The following FBXL7 variants were observed in gnomAD, a reference collection of about 807,000 sequenced individuals.
FBXL7 encodes the protein F-box and leucine rich repeat protein 7, also known as F-box/LRR-repeat protein 7.
Under a neutral mutation model 38.3 loss-of-function variants are expected in FBXL7, and 12 were observed. That is an observed-to-expected ratio of 0.31 (90% CI 0.20 to 0.51). FBXL7 has a LOEUF of 0.51. FBXL7 is among the 20% of genes least tolerant of loss of function. FBXL7 has a pLI of 0.98. For synonymous variants in FBXL7, 297 were observed against 300.9 expected, an observed-to-expected ratio of 0.99 and a Z score of 0.13; for missense variants, 567 against 676.4, an observed-to-expected ratio of 0.84 and a Z score of 1.79.
chr5:15,880,985 A>C (rs1740428039), intron 2 of FBXL7, among the ~76,000 whole-genome samples: 1 of 151,850 alleles, frequency 6.6e-6, no homozygotes, highest in Admixed American at 6.6e-5. Context: ...AGATTAATGG[A>C]CTTTCCCAAG....
intron 1 of FBXL7, among the ~76,000 whole-genome samples, chr5:15,603,667 G>A (rs1346033311): frequency 6.6e-6 from 1 of 152,198 alleles, no homozygotes; most frequent in African/African-American, 2.4e-5. Flanking sequence ...CAGTGGCCCC[G>A]ATGCCACTTA....
chr5:15,689,264 TCA>T lies in FBXL7; in HGVS notation c.127+73193_127+73194del, dbSNP rs1743109248. Among the ~76,000 whole-genome samples, 2 of 128,414 alleles carry T rather than the reference TCA, an allele frequency of 1.6e-5. 1 individual carries two copies. The highest frequency in any genetic ancestry group is 5.6e-4 in the South Asian group (2 of 3,562). 84.2% of individuals were successfully genotyped at this position (128,414 alleles called of 152,430 possible). The stretch of plus-strand genomic sequence containing the variant: ...CTTGCTGCTTGTCATCAGTTTATTT[TCA>T]GTTTTTTTTTTTTTTTTAGAAAAAT... On this transcript the variant is annotated intron_variant, in intron 2 of 3. Transcript: ENST00000504595.
chr5:15,511,172 A>T (rs931453993), intron 1 of FBXL7, among the ~76,000 whole-genome samples: 1 of 152,204 alleles, frequency 6.6e-6, no homozygotes, highest in African/African-American at 2.4e-5. Flanking sequence ...TCTGAGGGAA[A>T]CTTTTAACTC....
intron 2 of FBXL7, among the ~76,000 whole-genome samples, chr5:15,843,460 A>G (rs1738804736): frequency 6.6e-6 from 1 of 152,218 alleles, no homozygotes; most frequent in South Asian, 2.1e-4. Flanking sequence ...TCGAATGAAT[A>G]AAATTGAAAA....
At chr5:15,503,541 C>G (rs184067270) in intron 1 of FBXL7, among the ~76,000 whole-genome samples, 1 of 152,178 alleles carries the variant, frequency 6.6e-6, no homozygotes, top group Non-Finnish European at 1.5e-5. Flanking sequence ...AAGGCAAACG[C>G]CAGCCTGTAA....
At chr5:15,843,855 A>G (rs1738815660) in intron 2 of FBXL7, among the ~76,000 whole-genome samples, 2 of 151,262 alleles carry the variant, frequency 1.3e-5, no homozygotes, top group African/African-American at 2.4e-5. Context: ...AAGCTATACT[A>G]TATATATTTA....
chr5:15,755,945 AAG>A (rs753923766), intron 2 of FBXL7, among the ~76,000 whole-genome samples: 16 of 152,200 alleles, frequency 1.1e-4, no homozygotes, highest in Non-Finnish European at 1.8e-4. Context: ...TCAGAGAGAG[AAG>A]AGAGAGACCA....
Position 15,939,095 on chromosome 5 carries a change from T to A in FBXL7, c.*1909T>A, listed in dbSNP as rs1353283844. ...GTGGGGGATGGAGAGGTTAGTGTGA[T>A]GAGGTGGTGTCTGCCCAGGAGGTTT... On this transcript the variant is annotated 3_prime_UTR_variant, in exon 4 of 4. Transcript: ENST00000504595. 2.5e-6 allele frequency: 1 copy of A among 398,874 alleles called. No individual in the cohort carries two copies. The highest frequency in any genetic ancestry group is 4.4e-6 in the Non-Finnish European group (1 of 226,054). The allele number at this position is 398,874 out of a possible 1,614,324, so 24.7% of individuals were successfully genotyped here. A position where few individuals can be genotyped will look rare whatever the true frequency, so the allele number is the denominator to read the frequency against.
chr5:15,702,664 T>C (rs551986174), intron 2 of FBXL7, among the ~76,000 whole-genome samples: 3 of 152,334 alleles, frequency 2.0e-5, no homozygotes, highest in East Asian at 3.9e-4. Flanking sequence ...GGCTAACACA[T>C]TGGAAATTGT....
intron 2 of FBXL7, among the ~76,000 whole-genome samples, chr5:15,684,684 G>A (rs1048396504): frequency 1.3e-5 from 2 of 152,164 alleles, no homozygotes; most frequent in Non-Finnish European, 2.9e-5. Flanking sequence ...AGAAAGATAT[G>A]TACAATGCAA....
At chr5:15,523,518 C>T (rs982069323) in intron 1 of FBXL7, among the ~76,000 whole-genome samples, 3 of 151,672 alleles carry the variant, frequency 2.0e-5, no homozygotes, top group African/African-American at 7.3e-5. Flanking sequence ...GTGATTGCAC[C>T]ACTGCGCTCC....
intron 2 of FBXL7, among the ~76,000 whole-genome samples, chr5:15,693,436 C>A (rs78460346): frequency 0.089 from 13,598 of 152,184 alleles, 748 homozygotes; most frequent in South Asian, 0.15. Flanking sequence ...TTTTAACTTT[C>A]TTTTAAAAAG....
At chr5:15,830,899 G>T (rs113068825) in intron 2 of FBXL7, among the ~76,000 whole-genome samples, 1 of 152,016 alleles carries the variant, frequency 6.6e-6, no homozygotes, top group African/African-American at 2.4e-5. Context: ...CCACCCGAGG[G>T]CAGATTCCCT....
At chr5:15,742,992 C>T (rs185253004) in intron 2 of FBXL7, among the ~76,000 whole-genome samples, 12 of 152,196 alleles carry the variant, frequency 7.9e-5, no homozygotes, top group Non-Finnish European at 1.2e-4. Flanking sequence ...TGGAAGTAAT[C>T]GCCACCATGA....
At chr5:15,716,243 TACAG>T (rs927511970) in intron 2 of FBXL7, among the ~76,000 whole-genome samples, 8 of 152,328 alleles carry the variant, frequency 5.3e-5, no homozygotes, top group Admixed American at 3.3e-4. Context: ...TGACATGCTG[TACAG>T]ACAATGTGAT....
At chr5:15,656,696 G>A (rs1327899510) in intron 2 of FBXL7, among the ~76,000 whole-genome samples, 1 of 151,568 alleles carries the variant, frequency 6.6e-6, no homozygotes, top group Non-Finnish European at 1.5e-5. Context: ...TAAATAGTAG[G>A]TTGTTATAAT....
intron 2 of FBXL7, among the ~76,000 whole-genome samples, chr5:15,663,024 T>C (rs1474646979): frequency 6.6e-6 from 1 of 152,204 alleles, no homozygotes; most frequent in African/African-American, 2.4e-5. Context: ...TCGTTTTTTC[T>C]AGTTGTGTGA....
chr5:15,740,116 G>T (rs1735856831), intron 2 of FBXL7, among the ~76,000 whole-genome samples: 1 of 152,056 alleles, frequency 6.6e-6, no homozygotes, highest in African/African-American at 2.4e-5. Context: ...TGGTTTCTAA[G>T]CCCCCTTTTT....
chr5:15,637,131 C>T (rs895681961), intron 2 of FBXL7, among the ~76,000 whole-genome samples: 2 of 151,870 alleles, frequency 1.3e-5, no homozygotes, highest in Non-Finnish European at 2.9e-5. Flanking sequence ...TTTTATCTGT[C>T]AGAAGTTAGA....
Sources: gnomAD v4.1 joint callset for allele counts (sites outside exome capture counted in the v4.1 genomes callset) on GRCh38, gnomAD v4.1.1 for gene constraint, MANE v1.5 for transcripts, NCBI Gene and HGNC (gene_info 2026-07-23, HGNC 2026-07-21) for gene names.